The following DSCAM variants were observed in gnomAD, a reference collection of about 807,000 sequenced individuals.
DSCAM encodes the protein cell adhesion molecule DSCAM.
DSCAM carries 47 observed loss-of-function variants against 217.7 expected under a neutral mutation model. That is an observed-to-expected ratio of 0.22 (90% CI 0.17 to 0.28). The LOEUF (loss-of-function observed/expected upper bound fraction) is 0.28, where lower values mean the gene tolerates loss of function less well. Among genes scored for constraint, DSCAM ranks in the 10% least tolerant of loss-of-function variants. The pLI is 1.00. For synonymous variants in DSCAM, 1,056 were observed against 1,015.3 expected, an observed-to-expected ratio of 1.04 and a Z score of -0.76; for missense variants, 2,080 against 2,618.3, an observed-to-expected ratio of 0.79 and a Z score of 4.49.
chr21:40,416,876 T>C (rs2075376702), intron 3 of DSCAM, among the ~76,000 whole-genome samples: 2 of 152,212 alleles, frequency 1.3e-5, no homozygotes, highest in South Asian at 2.1e-4. Context: ...ATCTCATTCT[T>C]TCATGAACAT....
intron 1 of DSCAM, among the ~76,000 whole-genome samples, chr21:40,791,798 T>C (rs760976435): frequency 1.4e-4 from 21 of 152,194 alleles, no homozygotes; most frequent in African/African-American, 5.1e-4. Context: ...TCACATTGTC[T>C]TCATCCCAAC....
At chr21:40,081,986 G>A (rs947017946) in intron 24 of DSCAM, among the ~76,000 whole-genome samples, 3 of 152,052 alleles carry the variant, frequency 2.0e-5, no homozygotes, top group Admixed American at 6.6e-5. Context: ...AGGGTCCCTC[G>A]AGCCCATCCC....
intron 3 of DSCAM, among the ~76,000 whole-genome samples, chr21:40,410,753 A>G (rs1050782228): frequency 1.6e-5 from 2 of 124,724 alleles, no homozygotes; most frequent in Non-Finnish European, 1.9e-5. Context: ...AATTCTCTAT[A>G]CAGTACAAAA....
intron 15 of DSCAM, among the ~76,000 whole-genome samples, chr21:40,178,410 T>C (rs2090756655): frequency 6.6e-6 from 1 of 152,240 alleles, no homozygotes; most frequent in African/African-American, 2.4e-5. Flanking sequence ...AATATAATGT[T>C]GTTTGTAATA....
At chr21:40,501,930 T>C (rs1264906078) in intron 3 of DSCAM, among the ~76,000 whole-genome samples, 1 of 152,222 alleles carries the variant, frequency 6.6e-6, no homozygotes, top group Non-Finnish European at 1.5e-5. Context: ...GCAGTGATTT[T>C]CTAATTTTGC....
At chr21:40,202,204 G>T (rs1005103837) in intron 11 of DSCAM, among the ~76,000 whole-genome samples, 2 of 152,110 alleles carry the variant, frequency 1.3e-5, no homozygotes, top group African/African-American at 2.4e-5. Context: ...TTCCACCCCC[G>T]CCACCCTTCA....
intron 24 of DSCAM, among the ~76,000 whole-genome samples, chr21:40,082,574 T>C (rs71318513): frequency 1.1e-3 from 163 of 152,194 alleles, no homozygotes; most frequent in Middle Eastern, 6.8e-3. Context: ...ACTCGGTTCA[T>C]CTATTAATGA....
intron 3 of DSCAM, among the ~76,000 whole-genome samples, chr21:40,658,798 C>T (rs1156326594): frequency 6.6e-6 from 1 of 152,092 alleles, no homozygotes; most frequent in Non-Finnish European, 1.5e-5. Flanking sequence ...CACAGAAAGG[C>T]TCTTATTATG....
chr21:40,600,277 G>A (rs1162319264), intron 3 of DSCAM, among the ~76,000 whole-genome samples: 1 of 152,166 alleles, frequency 6.6e-6, no homozygotes, highest in Non-Finnish European at 1.5e-5. Flanking sequence ...CTGGAGACTG[G>A]ATAGTCCAAG....
chr21:40,689,990 G>A (rs1204827325), intron 3 of DSCAM, among the ~76,000 whole-genome samples: 1 of 152,066 alleles, frequency 6.6e-6, no homozygotes, highest in Non-Finnish European at 1.5e-5. Flanking sequence ...AGGGAGGGAG[G>A]GTCTTCCTTT....
At chr21:40,200,775 C>T (rs982451206) in intron 11 of DSCAM, among the ~76,000 whole-genome samples, 4 of 152,148 alleles carry the variant, frequency 2.6e-5, no homozygotes, top group Admixed American at 1.3e-4. Context: ...TGAGACCTGC[C>T]GCCTCCTAAG....
Position 40,426,461 on chromosome 21 carries a change from T to C in DSCAM, c.509-57216A>G, listed in dbSNP as rs551660951. 2.0e-3 allele frequency among the ~76,000 whole-genome samples: 311 copies of C among 152,380 alleles called. 3 individuals carry two copies. Among genetic ancestry groups the C allele is most frequent in the African/African-American group, 7.0e-3 (291 of 41,596 alleles). Reference sequence around the variant, plus strand: ...CACGGCATCTATGTGTCTATACTACTATGCATCTGTGACTACTTTCAGAAA... The same window carrying C: ...CACGGCATCTATGTGTCTATACTACCATGCATCTGTGACTACTTTCAGAAA... On this transcript the variant is annotated intron_variant, in intron 3 of 32. Coordinates refer to ENST00000400454, the MANE Select transcript of DSCAM (RefSeq NM_001389.5).
chr21:40,769,952 T>C (rs1000852544), intron 1 of DSCAM, among the ~76,000 whole-genome samples: 16 of 152,156 alleles, frequency 1.1e-4, no homozygotes, highest in African/African-American at 3.9e-4. Context: ...TAAACTCCCA[T>C]TTGTTTTTTG....
intron 27 of DSCAM, among the ~76,000 whole-genome samples, chr21:40,071,904 A>G (rs1306948337): frequency 9.2e-5 from 14 of 152,248 alleles, no homozygotes. Flanking sequence ...AATACTTTGT[A>G]TCATTAATGA....
intron 3 of DSCAM, among the ~76,000 whole-genome samples, chr21:40,398,009 C>G (rs2075197651): frequency 2.0e-5 from 3 of 152,132 alleles, no homozygotes; most frequent in Non-Finnish European, 4.4e-5. Flanking sequence ...GAGCATTACT[C>G]CTTGTCAACT....
intron 14 of DSCAM, among the ~76,000 whole-genome samples, chr21:40,180,054 A>G (rs1012781491): frequency 2.0e-5 from 3 of 152,222 alleles, no homozygotes; most frequent in Non-Finnish European, 2.9e-5. Flanking sequence ...TCCCTGCTAG[A>G]CTTTAAGCTC....
intron 5 of DSCAM, among the ~76,000 whole-genome samples, chr21:40,352,134 A>T (rs183217900): frequency 4.6e-3 from 701 of 152,314 alleles, no homozygotes; most frequent in Non-Finnish European, 6.5e-3. Context: ...TAGTGTTCCA[A>T]TAATGGAACA....
intron 3 of DSCAM, among the ~76,000 whole-genome samples, chr21:40,405,265 C>A (rs2075270722): frequency 6.6e-6 from 1 of 152,180 alleles, no homozygotes; most frequent in African/African-American, 2.4e-5. Flanking sequence ...TCAGAGCAGC[C>A]ATCTTACCAT....
chr21:40,557,873 T>A (rs1292384260), intron 3 of DSCAM, among the ~76,000 whole-genome samples: 2 of 152,174 alleles, frequency 1.3e-5, no homozygotes, highest in African/African-American at 4.8e-5. Flanking sequence ...CGCACTGATA[T>A]CTCACTAGAC....
Sources: allele counts gnomAD v4.1 joint callset (sites outside exome capture counted in the v4.1 genomes callset), GRCh38; gene constraint gnomAD v4.1.1; transcripts MANE v1.5; gene names NCBI Gene and HGNC (gene_info 2026-07-23, HGNC 2026-07-21).